OSBPL1A: variants seen among roughly 807,000 people sequenced by gnomAD.
The protein encoded by OSBPL1A is oxysterol-binding protein-related protein 1.
OSBPL1A carries 80 observed loss-of-function variants against 137.1 expected under a neutral mutation model. The observed-to-expected ratio is 0.58, with a 90% CI of 0.49 to 0.70. The LOEUF (loss-of-function observed/expected upper bound fraction) is 0.70, where lower values mean the gene tolerates loss of function less well. Among genes scored for constraint, OSBPL1A ranks in the 30% least tolerant of loss-of-function variants. The pLI is 0.00. For missense variants in OSBPL1A, 970 were observed against 1,129.4 expected (o/e 0.86, Z 2.02); for synonymous variants, 365 against 389.7 (o/e 0.94, Z 0.75).
intron 19 of OSBPL1A, among the ~76,000 whole-genome samples, chr18:24,180,826 G>A (rs1455669832): frequency 1.3e-5 from 2 of 152,102 alleles, no homozygotes; most frequent in East Asian, 1.9e-4. Context: ...GCCGTGAGCC[G>A]AGATTGCACC....
intron 4 of OSBPL1A, among the ~76,000 whole-genome samples, chr18:24,341,946 A>G (rs2091280433): frequency 6.6e-6 from 1 of 152,228 alleles, no homozygotes. Flanking sequence ...GTCAAATTAA[A>G]TGTATTAGTA....
intron 15 of OSBPL1A, among the ~76,000 whole-genome samples, chr18:24,250,152 G>T (rs377711446): frequency 1.4e-4 from 10 of 71,954 alleles, no homozygotes; most frequent in Non-Finnish European, 2.6e-4. Context: ...GCGTTTGTGT[G>T]TTTTTGTTTG....
chr18:24,188,730 T>C (rs1255671293), intron 18 of OSBPL1A, among the ~76,000 whole-genome samples: 1 of 152,226 alleles, frequency 6.6e-6, no homozygotes, highest in African/African-American at 2.4e-5. Context: ...GCCTCCATCA[T>C]CTGTAATTAT....
chr18:24,326,320 G>A (rs903282881), intron 7 of OSBPL1A, among the ~76,000 whole-genome samples: 3 of 152,184 alleles, frequency 2.0e-5, no homozygotes, highest in African/African-American at 7.2e-5. Context: ...TTTCTGAGGT[G>A]TCTGCCAGTC....
intron 16 of OSBPL1A, among the ~76,000 whole-genome samples, chr18:24,232,270 A>T (rs142084370): frequency 5.3e-4 from 81 of 152,332 alleles, no homozygotes; most frequent in Middle Eastern, 3.4e-3. Context: ...ATGAGTCCAG[A>T]GGGGGCTGCC....
At chr18:24,170,499 T>G in intron 23 of OSBPL1A, 46 bp from the exon 24 acceptor site, 1 of 1,611,898 alleles carries the variant, frequency 6.2e-7, no homozygotes, top group Non-Finnish European at 8.5e-7. Context: ...GTGTTTGTTT[T>G]TTTAAAGCCG....
At chr18:24,227,802 A>G (rs1262105259) in intron 16 of OSBPL1A, among the ~76,000 whole-genome samples, 1 of 152,198 alleles carries the variant, frequency 6.6e-6, no homozygotes, top group East Asian at 1.9e-4. Flanking sequence ...AAAAAAATGT[A>G]AAAAATCAAA....
intron 18 of OSBPL1A, among the ~76,000 whole-genome samples, chr18:24,188,301 G>A (rs529252560): frequency 1.8e-4 from 27 of 152,282 alleles, no homozygotes; most frequent in African/African-American, 5.5e-4. Context: ...AACACAGCAC[G>A]GCAGGATGGG....
chr18:24,191,005 A>G (rs1307322925), intron 18 of OSBPL1A, among the ~76,000 whole-genome samples: 3 of 152,270 alleles, frequency 2.0e-5, no homozygotes, highest in Non-Finnish European at 4.4e-5. Context: ...TCAAAAACAT[A>G]CTGGCAAAGG....
At chr18:24,379,979 C>T (rs1455771103) in intron 1 of OSBPL1A, among the ~76,000 whole-genome samples, 1 of 152,124 alleles carries the variant, frequency 6.6e-6, no homozygotes, top group Non-Finnish European at 1.5e-5. Flanking sequence ...GAAAGCACAT[C>T]ATCATGAAAT....
intron 4 of OSBPL1A, among the ~76,000 whole-genome samples, chr18:24,342,189 T>C (rs1388703722): frequency 6.6e-6 from 1 of 152,182 alleles, no homozygotes; most frequent in Non-Finnish European, 1.5e-5. Flanking sequence ...AAGCATTAGA[T>C]AAGCACGACA....
chr18:24,356,232 T>C (rs569060686), intron 4 of OSBPL1A, among the ~76,000 whole-genome samples: 35 of 152,080 alleles, frequency 2.3e-4, no homozygotes, highest in African/African-American at 8.4e-4. Context: ...TGAGTCAACT[T>C]TGGACATAGA....
chr18:24,321,776 G>A, intron 7 of OSBPL1A: 1 of 462,578 alleles, frequency 2.2e-6, no homozygotes, highest in Non-Finnish European at 4.4e-6. Flanking sequence ...AAGAAAAAGA[G>A]ATGGCATGAT....
intron 19 of OSBPL1A, 88 bp from the exon 20 acceptor site, chr18:24,179,923 T>G (rs1294118075): frequency 1.0e-6 from 1 of 990,078 alleles, no homozygotes; most frequent in Non-Finnish European, 1.6e-6. Flanking sequence ...AAGACAGTAA[T>G]TTACAGAATT....
At chr18:24,340,900 T>C (rs1373695453) in intron 5 of OSBPL1A, among the ~76,000 whole-genome samples, 3 of 152,240 alleles carry the variant, frequency 2.0e-5, no homozygotes, top group Non-Finnish European at 4.4e-5. Context: ...TTCATTGTCA[T>C]GTTTCATCAG....
chr18:24,366,851 A>G (rs1157848736), intron 4 of OSBPL1A, 41 bp downstream of exon 4: 2 of 1,578,314 alleles, frequency 1.3e-6, no homozygotes, highest in Non-Finnish European at 1.7e-6. Context: ...TACTCCTCCA[A>G]ATACCTCACT....
chr18:24,343,169 G>T (rs1233130898), intron 4 of OSBPL1A, among the ~76,000 whole-genome samples: 1 of 151,848 alleles, frequency 6.6e-6, no homozygotes, highest in African/African-American at 2.4e-5. Flanking sequence ...AATGGGCAAA[G>T]ACAACAATGA....
In OSBPL1A at chr18:24,167,394, C is replaced by T. The variant is rs771161558; in HGVS notation, c.2470G>A (p.Val824Ile). Reference sequence around the variant, plus strand: ...AGAACGCTTCCAGGGATAATGAATACACTTTCAGAATCCGGCACTGGCATT... The same window carrying T: ...AGAACGCTTCCAGGGATAATGAATATACTTTCAGAATCCGGCACTGGCATT... ...DEMPVPDSES[V>I]FIIPGSVLLW... Residue 824 changes from valine (V) to isoleucine (I), a missense_variant, in exon 25 of 28, where the codon GTA becomes ATA. Physicochemically the swap from Val to Ile is conservative, Grantham distance 29. Around this residue, in one of 2 missense-constraint regions of OSBPL1A, gnomAD observed 323 missense variants for 456.8 expected, o/e 0.71. Coordinates refer to ENST00000319481, the MANE Select transcript of OSBPL1A (RefSeq NM_080597.4). 5.6e-6 allele frequency: 9 copies of T among 1,614,122 alleles called. 1 individual carries two copies. In the South Asian group the frequency reaches 7.7e-5, roughly 14 times the overall value.
intron 5 of OSBPL1A, among the ~76,000 whole-genome samples, chr18:24,336,605 A>G (rs142226982): frequency 6.6e-6 from 1 of 152,322 alleles, no homozygotes; most frequent in Non-Finnish European, 1.5e-5. Context: ...CCTAAAGCAA[A>G]TGCTACAAAT....
Sources: gnomAD v4.1 joint callset for allele counts (sites outside exome capture counted in the v4.1 genomes callset) on GRCh38, gnomAD v4.1.1 for gene constraint, gnomAD v4.1.1 regional missense constraint, MANE v1.5 for transcripts, NCBI Gene and HGNC (gene_info 2026-07-23, HGNC 2026-07-21) for gene names.